Variants in TBC1D5 observed in about 807,000 individuals in gnomAD.
TBC1D5 encodes TBC1 domain family, member 5.
A neutral mutation model predicts 100.3 loss-of-function variants in TBC1D5; 75 were observed. That is an observed-to-expected ratio of 0.75 (90% CI 0.62 to 0.91). TBC1D5 has a LOEUF of 0.91. Ranked by LOEUF, TBC1D5 falls within the 40% of genes least tolerant of loss-of-function variation. The probability of loss-of-function intolerance (pLI) is 0.00; values close to 1 mark genes in which losing one functional copy is unlikely to be tolerated. For missense variants in TBC1D5, 910 were observed against 942.4 expected, an observed-to-expected ratio of 0.97 and a Z score of 0.45; for synonymous variants, 323 against 325.6, an observed-to-expected ratio of 0.99 and a Z score of 0.09.
chr3:17,391,084 T>C (rs1200470280), intron 8 of TBC1D5, among the ~76,000 whole-genome samples: 1 of 152,122 alleles, frequency 6.6e-6, no homozygotes, highest in Non-Finnish European at 1.5e-5. Flanking sequence ...CCCCGTCTAG[T>C]AGACGGAATG....
chr3:17,465,432 T>A (rs909829551), intron 3 of TBC1D5: 1 of 161,644 alleles, frequency 6.2e-6, no homozygotes, highest in African/African-American at 2.4e-5. Context: ...ATCTACCAAA[T>A]GAGTTCTACA....
At chr3:17,532,965 A>C (rs1415917235) in intron 2 of TBC1D5, among the ~76,000 whole-genome samples, 2 of 151,702 alleles carry the variant, frequency 1.3e-5, no homozygotes, top group Non-Finnish European at 2.9e-5. Context: ...GTGCACATGT[A>C]CCCTAAAACT....
At chr3:17,159,499 T>C (rs1021221788) in exon 22 of TBC1D5, 1 of 152,282 alleles carries the variant, frequency 6.6e-6, no homozygotes, top group African/African-American at 2.4e-5. Flanking sequence ...ATCCCTGGCA[T>C]GGCTGCTCTC....
chr3:17,393,690 CT>C (rs1039352920), intron 8 of TBC1D5, among the ~76,000 whole-genome samples: 14 of 152,114 alleles, frequency 9.2e-5, no homozygotes, highest in Non-Finnish European at 2.1e-4. Flanking sequence ...ACCACCTGAT[CT>C]TTGACAAACC....
At chr3:17,686,742 T>A (rs1310608282) in intron 1 of TBC1D5, among the ~76,000 whole-genome samples, 1 of 152,148 alleles carries the variant, frequency 6.6e-6, no homozygotes, top group African/African-American at 2.4e-5. Context: ...GGTTCTCAAC[T>A]AAGGGTGACT....
intron 9 of TBC1D5, among the ~76,000 whole-genome samples, chr3:17,376,921 C>G (rs989290098): frequency 6.6e-6 from 1 of 152,052 alleles, no homozygotes; most frequent in Non-Finnish European, 1.5e-5. Flanking sequence ...AAGATCTGTA[C>G]TCATAAATAT....
intron 4 of TBC1D5, among the ~76,000 whole-genome samples, chr3:17,415,331 T>C (rs1018648504): frequency 6.6e-6 from 1 of 151,834 alleles, no homozygotes; most frequent in Non-Finnish European, 1.5e-5. Context: ...CGAAATTTTT[T>C]GTACTTTTTT....
intron 15 of TBC1D5, among the ~76,000 whole-genome samples, chr3:17,263,257 G>A (rs945852903): frequency 6.6e-6 from 1 of 151,310 alleles, no homozygotes; most frequent in Non-Finnish European, 1.5e-5. Flanking sequence ...CAGCTACTTG[G>A]GAGGCTGAGG....
At chr3:17,219,786 C>T (rs1390593242) in intron 17 of TBC1D5, among the ~76,000 whole-genome samples, 5 of 152,006 alleles carry the variant, frequency 3.3e-5, no homozygotes, top group African/African-American at 7.2e-5. Flanking sequence ...CCATAAAACT[C>T]GCTCTTCTTA....
rs530020417 is a variant in TBC1D5, at chr3:17,557,216, C to T, written c.-35-48611G>A. ...ATAATAAAAATTAAGAAATTTTCCA[C>T]GAACAATCTTAGAAACAAGATAGCT... On this transcript the variant is annotated intron_variant, in intron 2 of 21. Coordinates refer to ENST00000253692, the Ensembl canonical transcript of TBC1D5. 3.9e-5 allele frequency among the ~76,000 whole-genome samples: 6 copies of T among 152,188 alleles called. No individual in the cohort carries two copies. The East Asian group carries it at 7.7e-4, about 20-fold the overall frequency.
intron 2 of TBC1D5, among the ~76,000 whole-genome samples, chr3:17,516,876 C>T (rs1455360937): frequency 6.6e-6 from 1 of 152,152 alleles, no homozygotes; most frequent in Non-Finnish European, 1.5e-5. Context: ...CCTCAACATG[C>T]TCTGGCTACC....
chr3:17,375,338 G>A (rs933229205), intron 10 of TBC1D5, among the ~76,000 whole-genome samples: 1 of 152,060 alleles, frequency 6.6e-6, no homozygotes, highest in Non-Finnish European at 1.5e-5. Flanking sequence ...GGAGGCTGAG[G>A]TGGGTAGATC....
chr3:17,371,640 G>A (rs1318980339), intron 13 of TBC1D5, among the ~76,000 whole-genome samples: 7 of 152,146 alleles, frequency 4.6e-5, no homozygotes, highest in Admixed American at 4.6e-4. Context: ...CATGCACATA[G>A]ACACACAAAA....
At chr3:17,611,648 T>C (rs954347450) in intron 2 of TBC1D5, among the ~76,000 whole-genome samples, 5 of 152,204 alleles carry the variant, frequency 3.3e-5, no homozygotes, top group Admixed American at 1.3e-4. Flanking sequence ...GCAACTTTAG[T>C]TGGCACCTGT....
chr3:17,280,996 G>A (rs1389691054), intron 15 of TBC1D5, among the ~76,000 whole-genome samples: 4 of 152,212 alleles, frequency 2.6e-5, no homozygotes, highest in African/African-American at 9.7e-5. Context: ...TCCTGCAAGT[G>A]CTCCCTCCCG....
chr3:17,709,301 A>G (rs2074480780), intron 1 of TBC1D5, among the ~76,000 whole-genome samples: 1 of 152,190 alleles, frequency 6.6e-6, no homozygotes. Context: ...CAATGGAAAT[A>G]ACTATTTCTA....
At chr3:17,556,091 TG>T (rs1442829288) in intron 2 of TBC1D5, among the ~76,000 whole-genome samples, 2 of 151,828 alleles carry the variant, frequency 1.3e-5, no homozygotes, top group East Asian at 3.9e-4. Flanking sequence ...CTCAGCTCCC[TG>T]CAACCTCTGC....
At chr3:17,560,906 G>GC (rs2096554532) in intron 2 of TBC1D5, among the ~76,000 whole-genome samples, 1 of 150,606 alleles carries the variant, frequency 6.6e-6, no homozygotes, top group Admixed American at 6.6e-5. Context: ...GGGCGACAGA[G>GC]CAAGACTCCA....
chr3:17,211,966 T>A (rs1461403804), intron 18 of TBC1D5, among the ~76,000 whole-genome samples: 1 of 152,214 alleles, frequency 6.6e-6, no homozygotes. Flanking sequence ...AATTTGCAGA[T>A]AAGGTGGTTA....
Sources: allele counts gnomAD v4.1 joint callset (sites outside exome capture counted in the v4.1 genomes callset), GRCh38; gene constraint gnomAD v4.1.1; transcripts MANE v1.5; gene names NCBI Gene and HGNC (gene_info 2026-07-23, HGNC 2026-07-21).